Variants in SNX24 observed in about 807,000 individuals in gnomAD.
The protein encoded by SNX24 is sorting nexin-24.
A neutral mutation model predicts 28.7 loss-of-function variants in SNX24; 22 were observed. The observed-to-expected ratio is 0.77, with a 90% confidence interval of 0.55 to 1.10. SNX24 has a LOEUF of 1.10. Ranked by LOEUF, SNX24 falls within the 50% of genes least tolerant of loss-of-function variation. The pLI, the probability that SNX24 is intolerant of heterozygous loss-of-function variation, is 0.00. For synonymous variants in SNX24, 69 were observed against 71.5 expected (o/e 0.96, Z 0.18); for missense variants, 221 against 201.1 (o/e 1.10, Z -0.60).
At chr5:123,021,106 C>CG (rs963597129) in intron 5 of SNX24, among the ~76,000 whole-genome samples, 5 of 150,264 alleles carry the variant, frequency 3.3e-5, no homozygotes, top group African/African-American at 9.7e-5. Context: ...CACACAGTTC[C>CG]CCCCCCGTCC....
intron 1 of SNX24, among the ~76,000 whole-genome samples, chr5:122,915,811 C>G (rs1157387491): frequency 6.6e-6 from 1 of 152,180 alleles, no homozygotes; most frequent in Non-Finnish European, 1.5e-5. Flanking sequence ...GCCTTGAGCT[C>G]CAGTCCCACA....
At chr5:122,911,426 T>C (rs1757883471) in intron 1 of SNX24, among the ~76,000 whole-genome samples, 1 of 152,184 alleles carries the variant, frequency 6.6e-6, no homozygotes, top group African/African-American at 2.4e-5. Flanking sequence ...GGTTGCCTGT[T>C]CACTCTGATG....
chr5:123,024,333 C>T (rs1272078740), intron 5 of SNX24, among the ~76,000 whole-genome samples: 1 of 152,172 alleles, frequency 6.6e-6, no homozygotes, highest in African/African-American at 2.4e-5. Flanking sequence ...TAGTAAAAGG[C>T]ATTTCCATTC....
chr5:122,918,268 G>C (rs1758271199), intron 1 of SNX24, among the ~76,000 whole-genome samples: 1 of 152,106 alleles, frequency 6.6e-6, no homozygotes, highest in South Asian at 2.1e-4. Flanking sequence ...GCACAGTTCA[G>C]TTTATAACAG....
At chr5:122,955,594 TAGA>T (rs1308977180) in intron 3 of SNX24, among the ~76,000 whole-genome samples, 3 of 152,204 alleles carry the variant, frequency 2.0e-5, no homozygotes, top group Non-Finnish European at 4.4e-5. Context: ...CAGGTTAAGG[TAGA>T]AGATTAGGCT....
At chr5:122,874,670 T>A (rs979236510) in intron 1 of SNX24, among the ~76,000 whole-genome samples, 4 of 152,190 alleles carry the variant, frequency 2.6e-5, no homozygotes, top group African/African-American at 9.7e-5. Flanking sequence ...ATTCTGCAAC[T>A]TGACCTTTTT....
chr5:122,920,311 A>G (rs1758377847), intron 1 of SNX24, among the ~76,000 whole-genome samples: 1 of 152,242 alleles, frequency 6.6e-6, no homozygotes, highest in African/African-American at 2.4e-5. Flanking sequence ...GTAAGGTAGC[A>G]TAAGTAAGGT....
At chr5:123,017,190 C>T (rs1262428768) in intron 5 of SNX24, among the ~76,000 whole-genome samples, 1 of 152,044 alleles carries the variant, frequency 6.6e-6, no homozygotes, top group Non-Finnish European at 1.5e-5. Flanking sequence ...AGGAGTGCCA[C>T]ATAAATCACC....
intron 3 of SNX24, among the ~76,000 whole-genome samples, chr5:122,949,914 T>C (rs1004711068): frequency 2.6e-5 from 4 of 152,194 alleles, no homozygotes; most frequent in African/African-American, 9.6e-5. Context: ...GGCATTTGAG[T>C]AATTTGAAGT....
chr5:122,901,687 A>C (rs1018556715), intron 1 of SNX24, among the ~76,000 whole-genome samples: 2 of 152,088 alleles, frequency 1.3e-5, no homozygotes, highest in Admixed American at 6.6e-5. Context: ...GATTGATCTT[A>C]CAGGATCTTG....
At chr5:123,014,800 C>A (rs1161761854) in intron 5 of SNX24, among the ~76,000 whole-genome samples, 1 of 152,196 alleles carries the variant, frequency 6.6e-6, no homozygotes, top group African/African-American at 2.4e-5. Context: ...ATTCTTCCTG[C>A]AGGTGCTTAC....
intron 2 of SNX24, among the ~76,000 whole-genome samples, chr5:122,938,369 A>G (rs1438125538): frequency 6.6e-6 from 1 of 152,188 alleles, no homozygotes; most frequent in Non-Finnish European, 1.5e-5. Context: ...CAGCTCTATT[A>G]ATAATTTTAC....
chr5:122,987,943 A>G (rs1761674771), intron 3 of SNX24, among the ~76,000 whole-genome samples: 1 of 152,232 alleles, frequency 6.6e-6, no homozygotes, highest in Admixed American at 6.5e-5. Context: ...ATAAAATACA[A>G]GCTTTTTAAA....
intron 1 of SNX24, among the ~76,000 whole-genome samples, chr5:122,877,298 A>G (rs1423310534): frequency 6.6e-6 from 1 of 152,192 alleles, no homozygotes; most frequent in Non-Finnish European, 1.5e-5. Flanking sequence ...AACTGTGTGA[A>G]GAAAACAAGG....
chr5:122,889,285 G>A (rs984609112), intron 1 of SNX24, among the ~76,000 whole-genome samples: 4 of 151,820 alleles, frequency 2.6e-5, no homozygotes, highest in Non-Finnish European at 4.4e-5. Context: ...ATTTCCCCCT[G>A]CCCTTCTCTG....
intron 3 of SNX24, among the ~76,000 whole-genome samples, chr5:122,985,986 A>T (rs1352886208): frequency 1.3e-5 from 2 of 152,214 alleles, no homozygotes; most frequent in African/African-American, 4.8e-5. Flanking sequence ...TCTGAAGGAA[A>T]CAAATAAGGG....
At chr5:122,962,081 A>G (rs1014473524) in intron 3 of SNX24, among the ~76,000 whole-genome samples, 2 of 152,202 alleles carry the variant, frequency 1.3e-5, no homozygotes, top group African/African-American at 4.8e-5. Flanking sequence ...AGAACAACGT[A>G]TGGCATTTCC....
chr5:123,017,211 G>T (rs900831477), intron 5 of SNX24, among the ~76,000 whole-genome samples: 1 of 151,956 alleles, frequency 6.6e-6, no homozygotes, highest in African/African-American at 2.4e-5. Flanking sequence ...CAACAAATGG[G>T]GATTCGAATT....
At chr5:122,850,437 G>A (rs1186901914) in intron 1 of SNX24, among the ~76,000 whole-genome samples, 1 of 152,158 alleles carries the variant, frequency 6.6e-6, no homozygotes, top group Non-Finnish European at 1.5e-5. Context: ...ATGAGAATTT[G>A]GGGGAGACAG....
Sources: gnomAD v4.1 joint callset for allele counts (sites outside exome capture counted in the v4.1 genomes callset) on GRCh38, gnomAD v4.1.1 for gene constraint, MANE v1.5 for transcripts, NCBI Gene and HGNC (gene_info 2026-07-23, HGNC 2026-07-21) for gene names.